Variants in TCF19 observed in about 807,000 individuals in gnomAD.
TCF19 encodes the protein transcription factor 19.
TCF19 carries 9 observed loss-of-function variants against 18.3 expected under a neutral mutation model. That is an observed-to-expected ratio of 0.49 (90% CI 0.30 to 0.86). The LOEUF is 0.86. Ranked by LOEUF, TCF19 falls within the 40% of genes least tolerant of loss-of-function variation. The pLI, the probability that TCF19 is intolerant of heterozygous loss-of-function variation, is 0.07. For missense variants in TCF19, 376 were observed against 464.3 expected (o/e 0.81, Z 1.75); for synonymous variants, 176 against 185.3 (o/e 0.95, Z 0.41).
rs1776574403 is a variant in TCF19, at chr6:31,159,384, A to C, written c.-86A>C. 7.9e-7 allele frequency: 1 copy of C among 1,272,914 alleles called. No homozygotes were observed. Among genetic ancestry groups the C allele is most frequent in the Non-Finnish European group, 1.1e-6 (1 of 933,656 alleles). 78.9% of individuals were successfully genotyped at this position (1,272,914 alleles called of 1,614,324 possible). ...CAAGTTTGCATCAGACTGGGAAGCG[A>C]ACTTAAGCCAGCGGTGCGTGGCCCA... is the stretch of plus-strand genomic sequence containing the variant. On this transcript the variant is annotated 5_prime_UTR_variant, in exon 2 of 4. Transcript: ENST00000376257.
At position 31,161,614 on chromosome 6, in the gene TCF19, A is replaced by T. The variant is rs759199962; in HGVS notation, c.406A>T (p.Ile136Phe). The change falls in exon 3 of 4, where the codon ATC becomes TTC. Residue 136 changes from isoleucine (I) to phenylalanine (F), a missense_variant. Physicochemically the swap from Ile to Phe is conservative, Grantham distance 21. Transcript: ENST00000376257. ...GCCTCAGGACTTTGCTGCCATTACC[A>T]TCCCACGGTCTAGGGGAGAAGCCCG... Reference protein sequence around the residue: ...VKPQDFAAITIPRSRGEARVG... With the variant: ...VKPQDFAAITFPRSRGEARVG... 1 of 1,573,026 alleles carries T rather than the reference A, an allele frequency of 6.4e-7. No individual in the cohort carries two copies.
In TCF19 at chr6:31,161,986, G is replaced by GC. The variant is rs1198108602; in HGVS notation, c.782dup (p.Leu262ThrfsTer50). 6 of 1,610,044 alleles carry GC rather than the reference G, an allele frequency of 3.7e-6. No homozygotes were observed. The highest frequency in any genetic ancestry group is 4.2e-6 in the Non-Finnish European group (5 of 1,178,230). On this transcript the variant is annotated frameshift_variant, in exon 3 of 4. Transcript: ENST00000376257. LOFTEE classifies it low-confidence loss of function (END_TRUNC). ...CAGGAAGAAACTCCGTGTAGACAAA[G>GC]CCCCACTGACTCCCACTGGGTAAGT...
Position 31,159,323 on chromosome 6 carries a change from A to T in TCF19, c.-147A>T. On this transcript the variant is annotated 5_prime_UTR_variant, in exon 2 of 4. Coordinates refer to ENST00000376257, the MANE Select transcript of TCF19 (RefSeq NM_007109.3). ...CACTCTGAATTTGGGCTATTCAGGTAGTGTGCTCAAAGTTGAAACCGCATA... is the reference window on the plus strand; with the variant it reads ...CACTCTGAATTTGGGCTATTCAGGTTGTGTGCTCAAAGTTGAAACCGCATA... 1.4e-6 allele frequency: 1 copy of T among 729,824 alleles called. No individual in the cohort carries two copies. The highest frequency in any genetic ancestry group is 2.3e-6 in the Non-Finnish European group (1 of 443,084). The allele number at this position is 729,824 out of a possible 1,614,324, so 45.2% of individuals were successfully genotyped here.
In TCF19 at chr6:31,162,961, C is replaced by A. The variant is rs927677644; in HGVS notation, c.*244C>A. The A allele has an allele frequency of 5.0e-6, 7 of 1,402,290 alleles. No homozygotes were observed. The highest frequency in any genetic ancestry group is 6.5e-6 in the Non-Finnish European group (7 of 1,083,138). The allele number at this position is 1,402,290 out of a possible 1,614,324, so 86.9% of individuals were successfully genotyped here. ...AAATTGCCAGTGAGCTGGAAGTTCCCACTATTACAAGCCATAAGGCCATGT... is the reference window on the plus strand; with the variant it reads ...AAATTGCCAGTGAGCTGGAAGTTCCAACTATTACAAGCCATAAGGCCATGT... On this transcript the variant is annotated 3_prime_UTR_variant, in exon 4 of 4. Coordinates refer to ENST00000376257, the MANE Select transcript of TCF19 (RefSeq NM_007109.3). This position sits in a 1 kb window ranked among gnomAD's most constrained non-coding sequence, Gnocchi z 4.5.
chr6:31,160,011 C>T (rs900491691), intron 2 of TCF19, among the ~76,000 whole-genome samples: 4 of 152,326 alleles, frequency 2.6e-5, no homozygotes, highest in Admixed American at 2.6e-4. Context: ...TCCAGCTTTG[C>T]TGAGGCACTC....
At position 31,162,535 on chromosome 6, in the gene TCF19, G is replaced by T; in HGVS notation, c.856G>T (p.Val286Phe). ...GAGCGCTCCCATGGCTCCCCCTGCA[G>T]TTGGGGGCGGGGAGCCCTGTGCAGC... ...PVSAPMAPPA[V>F]GGGEPCAAPC... Residue 286 changes from valine (V) to phenylalanine (F), a missense_variant, in exon 4 of 4, where the codon GTT becomes TTT. Val to Phe is a conservative substitution (Grantham distance 50, BLOSUM62 -1). Coordinates refer to ENST00000376257, the MANE Select transcript of TCF19 (RefSeq NM_007109.3). This position sits in a 1 kb window ranked among gnomAD's most constrained non-coding sequence, Gnocchi z 4.5. 6.2e-7 allele frequency: 1 copy of T among 1,612,968 alleles called. No homozygotes were observed.
rs1777008948 is a variant in TCF19, at chr6:31,164,213, C to T, written c.*1496C>T. 1.7e-6 allele frequency: 2 copies of T among 1,206,476 alleles called. No homozygotes were observed. Among genetic ancestry groups the T allele is most frequent in the South Asian group, 4.5e-5 (2 of 44,548 alleles). 74.7% of individuals were successfully genotyped at this position (1,206,476 alleles called of 1,614,324 possible). Reference sequence around the variant, plus strand: ...TGTACAAATAAACTTGGCTGCAATCCCAGCTCTCCCTCTGATGTTGTGTGA... The same window carrying T: ...TGTACAAATAAACTTGGCTGCAATCTCAGCTCTCCCTCTGATGTTGTGTGA... On this transcript the variant is annotated 3_prime_UTR_variant, in exon 4 of 4. Coordinates refer to ENST00000376257, the MANE Select transcript of TCF19 (RefSeq NM_007109.3).
At chr6:31,161,248 C>G (rs1776756422) in intron 2 of TCF19, among the ~76,000 whole-genome samples, 199 bp from the exon 3 acceptor site, 1 of 151,780 alleles carries the variant, frequency 6.6e-6, no homozygotes, top group Non-Finnish European at 1.5e-5. Flanking sequence ...TAGGAAAGCA[C>G]AAGAAACACA....
In TCF19 at chr6:31,163,656, G is replaced by T. The variant is rs1340004281; in HGVS notation, c.*939G>T. On this transcript the variant is annotated 3_prime_UTR_variant, in exon 4 of 4. Transcript: ENST00000376257. ...CAACTGGGCTGGCCTGGTTCAGTGT[G>T]AATCAAACCGCTTAACCCACACATG... is the stretch of plus-strand genomic sequence containing the variant. The T allele has an allele frequency of 2.0e-6, 2 of 985,340 alleles. No homozygotes were observed. The highest frequency in any genetic ancestry group is 3.5e-5 in the African/African-American group (2 of 57,214). 61.0% of individuals were successfully genotyped at this position (985,340 alleles called of 1,614,324 possible). A position where few individuals can be genotyped will look rare whatever the true frequency, so the allele number is the denominator to read the frequency against.
chr6:31,160,604 C>T (rs1028118627), intron 2 of TCF19, among the ~76,000 whole-genome samples: 1 of 151,472 alleles, frequency 6.6e-6, no homozygotes, highest in African/African-American at 2.4e-5. Flanking sequence ...AAAAAAAATA[C>T]AAAAATTAGC....
In TCF19 at chr6:31,161,946, G is replaced by A. The variant is rs185618592; in HGVS notation, c.738G>A (p.Pro246=). The part of the protein sequence containing the change: ...DESEPPENPP[P]VLMEPRKKLR... Reference sequence around the variant, plus strand: ...GTGAGCCTCCTGAGAACCCGCCACCGGTCCTTATGGAGCCCAGGAAGAAAC... The same window carrying A: ...GTGAGCCTCCTGAGAACCCGCCACCAGTCCTTATGGAGCCCAGGAAGAAAC... The change falls in exon 3 of 4, where the codon CCG becomes CCA. Residue 246 remains proline (P), a synonymous_variant. Coordinates refer to ENST00000376257, the MANE Select transcript of TCF19 (RefSeq NM_007109.3). The A allele has an allele frequency of 7.9e-5, 128 of 1,612,866 alleles. No homozygotes were observed. The highest frequency in any genetic ancestry group is 1.7e-4 in the Middle Eastern group (1 of 6,060).
In TCF19 at chr6:31,159,579, C is replaced by T; in HGVS notation, c.110C>T (p.Ala37Val). The change falls in exon 2 of 4, where the codon GCC (alanine) becomes GTC (valine). Residue 37 changes from alanine (A) to valine (V), a missense_variant. Ala to Val is a moderately conservative substitution (Grantham distance 64, BLOSUM62 0). Transcript: ENST00000376257. ...AGCTYRLGHR[A>V]DLCDVALRPQ... ...TGCACCTATCGCTTGGGCCACAGGG[C>T]CGACCTGTGTGATGTGGCCCTGCGG... The T allele has an allele frequency of 6.2e-7, 1 of 1,612,628 alleles. No individual in the cohort carries two copies. Among genetic ancestry groups the T allele is most frequent in the Non-Finnish European group, 8.5e-7 (1 of 1,179,866 alleles).
Position 31,159,495 on chromosome 6 carries a change from G to A in TCF19, c.26G>A (p.Arg9His). 1.3e-6 allele frequency: 2 copies of A among 1,583,900 alleles called. No individual in the cohort carries two copies. Among genetic ancestry groups the A allele is most frequent in the Non-Finnish European group, 1.7e-6 (2 of 1,165,836 alleles). MLPCFQLLRIGGGRGGDLY... is the reference protein window; with the variant it reads MLPCFQLLHIGGGRGGDLY... ...ATGCTGCCCTGCTTCCAACTGCTGC[G>A]CATAGGGGGCGGCAGGGGCGGTGAT... The change falls in exon 2 of 4, where the codon CGC becomes CAC. Residue 9 changes from arginine to histidine, a missense_variant. By Grantham distance (29) the Arg-to-His change is conservative. Coordinates refer to ENST00000376257, the MANE Select transcript of TCF19 (RefSeq NM_007109.3).
chr6:31,159,844 A>G (rs1456280390), intron 2 of TCF19, 137 bp downstream of exon 2: 2 of 891,184 alleles, frequency 2.2e-6, no homozygotes, highest in African/African-American at 3.3e-5. Context: ...CCAGACCTTC[A>G]TCTTCCCACC....
chr6:31,159,060 A>T lies in TCF19; in HGVS notation c.-410A>T, dbSNP rs549328057. 28 of 221,102 alleles carry T rather than the reference A, an allele frequency of 1.3e-4. No individual in the cohort carries two copies. The South Asian group carries it at 2.8e-3, about 22-fold the overall frequency. The allele number at this position is 221,102 out of a possible 1,614,324, so 13.7% of individuals were successfully genotyped here. A position where few individuals can be genotyped will look rare whatever the true frequency, so the allele number is the denominator to read the frequency against. ...GGTGATGTGTTCGTATTGCACGTAGACGTGTGTATAACAGGACCTCCTTCC... is the reference window on the plus strand; with the variant it reads ...GGTGATGTGTTCGTATTGCACGTAGTCGTGTGTATAACAGGACCTCCTTCC... On this transcript the variant is annotated 5_prime_UTR_variant, in exon 2 of 4. Coordinates refer to ENST00000376257, the MANE Select transcript of TCF19 (RefSeq NM_007109.3).
chr6:31,164,194 A>G lies in TCF19; in HGVS notation c.*1477A>G. 2.5e-6 allele frequency: 3 copies of G among 1,195,088 alleles called. No homozygotes were observed. The highest frequency in any genetic ancestry group is 3.1e-6 in the Non-Finnish European group (3 of 953,740). The allele number at this position is 1,195,088 out of a possible 1,614,324, so 74.0% of individuals were successfully genotyped here. On this transcript the variant is annotated 3_prime_UTR_variant, in exon 4 of 4. Coordinates refer to ENST00000376257, the MANE Select transcript of TCF19 (RefSeq NM_007109.3). ...CTAGCCTATCACAGGGCCCTGTACAAATAAACTTGGCTGCAATCCCAGCTC... is the reference window on the plus strand; with the variant it reads ...CTAGCCTATCACAGGGCCCTGTACAGATAAACTTGGCTGCAATCCCAGCTC...
intron 2 of TCF19, 108 bp from the exon 3 acceptor site, chr6:31,161,339 A>C: frequency 1.1e-6 from 1 of 941,468 alleles, no homozygotes; most frequent in Non-Finnish European, 1.5e-6. Context: ...GGAGAATCTG[A>C]CTACAGTTTC....
Position 31,161,526 on chromosome 6 carries a change from T to C in TCF19, c.318T>C (p.Pro106=), listed in dbSNP as rs751178508. 6.4e-7 allele frequency: 1 copy of C among 1,562,822 alleles called. No homozygotes were observed. Among genetic ancestry groups the C allele is most frequent in the South Asian group, 1.2e-5 (1 of 82,154 alleles). Residue 106 remains proline, a synonymous_variant, in exon 3 of 4, where the codon CCT becomes CCC. Coordinates refer to ENST00000376257, the MANE Select transcript of TCF19 (RefSeq NM_007109.3). ...ATGGAGACCTCCTGACCTTTGGCCC[T>C]GAAGGGCCCCCAGGAACCAGCCCCT... ...LSDGDLLTFG[P]EGPPGTSPSE...
At chr6:31,159,859 G>T (rs1254723892) in intron 2 of TCF19, 152 bp downstream of exon 2, 9 of 821,584 alleles carry the variant, frequency 1.1e-5, no homozygotes, top group Non-Finnish European at 1.7e-5. Context: ...CCCACCAGAA[G>T]TGTGCACAGT....
Sources: gnomAD v4.1 joint callset for allele counts (sites outside exome capture counted in the v4.1 genomes callset) on GRCh38, gnomAD v4.1.1 for gene constraint, Gnocchi (gnomAD v3.1) non-coding constraint, MANE v1.5 for transcripts, NCBI Gene and HGNC (gene_info 2026-07-23, HGNC 2026-07-21) for gene names.